The following MAP3K20 variants were observed in gnomAD, a reference collection of about 807,000 sequenced individuals.
MAP3K20 encodes mitogen-activated protein kinase kinase kinase 20, also known as HCCS-4.
A neutral mutation model predicts 85.7 loss-of-function variants in MAP3K20; 40 were observed. The observed-to-expected ratio is 0.47, with a 90% CI of 0.36 to 0.61. The LOEUF (loss-of-function observed/expected upper bound fraction) is 0.61, where lower values mean the gene tolerates loss of function less well. MAP3K20 is among the 20% of genes least tolerant of loss of function. The probability of loss-of-function intolerance (pLI) is 0.00; values close to 1 mark genes in which losing one functional copy is unlikely to be tolerated. For missense variants in MAP3K20, 817 were observed against 961.7 expected, an observed-to-expected ratio of 0.85 and a Z score of 1.99; for synonymous variants, 325 against 327.7, an observed-to-expected ratio of 0.99 and a Z score of 0.09.
At chr2:173,108,405 A>G (rs1216041385) in intron 2 of MAP3K20, among the ~76,000 whole-genome samples, 4 of 152,232 alleles carry the variant, frequency 2.6e-5, no homozygotes, top group African/African-American at 4.8e-5. Context: ...TGCTGGGATT[A>G]TAGGCGTGAG....
At chr2:173,123,480 G>A (rs1193024904) in intron 2 of MAP3K20, among the ~76,000 whole-genome samples, 2 of 152,150 alleles carry the variant, frequency 1.3e-5, no homozygotes, top group Admixed American at 6.5e-5. Flanking sequence ...GAGAGATCTT[G>A]AGGAGAATGA....
At chr2:173,207,472 A>G (rs1683726445) in intron 9 of MAP3K20, 1 of 152,252 alleles carries the variant, frequency 6.6e-6, no homozygotes. Flanking sequence ...TGCCTGGGCA[A>G]TGGAGCAAGA....
intron 9 of MAP3K20, among the ~76,000 whole-genome samples, chr2:173,205,008 C>G (rs1683627791): frequency 6.7e-6 from 1 of 149,146 alleles, no homozygotes; most frequent in African/African-American, 2.5e-5. Context: ...GAGGCTGAGG[C>G]AGGAGAATGG....
rs149744937 is a variant in MAP3K20, at chr2:173,213,966, A to G, written c.852-3149A>G. 1.2e-3 allele frequency among the ~76,000 whole-genome samples: 188 copies of G among 152,270 alleles called. 1 individual carries two copies. The highest frequency in any genetic ancestry group is 0.01 in the South Asian group (50 of 4,822). ...ACTTTTATCTAGTGTCTGAAACCAC[A>G]TGACTAGTGTCCAAAGAGTGTTTTA... is the stretch of plus-strand genomic sequence containing the variant. On this transcript the variant is annotated intron_variant, in intron 10 of 19. Coordinates refer to ENST00000375213, the MANE Select transcript of MAP3K20 (RefSeq NM_016653.3).
chr2:173,138,853 C>T (rs1688879920), intron 2 of MAP3K20, among the ~76,000 whole-genome samples: 1 of 152,188 alleles, frequency 6.6e-6, no homozygotes, highest in Admixed American at 6.5e-5. Flanking sequence ...TCATCTGGTA[C>T]TTCTATCAGC....
intron 2 of MAP3K20, among the ~76,000 whole-genome samples, chr2:173,097,596 G>A (rs776736827): frequency 6.6e-6 from 1 of 151,976 alleles, no homozygotes; most frequent in Non-Finnish European, 1.5e-5. Context: ...CATCTGTCTT[G>A]GCTTTTGTAA....
At chr2:173,084,544 G>T (rs755519900) in intron 1 of MAP3K20, among the ~76,000 whole-genome samples, 1 of 152,056 alleles carries the variant, frequency 6.6e-6, no homozygotes, top group Non-Finnish European at 1.5e-5. Flanking sequence ...ACCAAAAACG[G>T]CAGTTAAACA....
chr2:173,089,183 T>TAA (rs71018532), intron 1 of MAP3K20, among the ~76,000 whole-genome samples: 2,375 of 147,830 alleles, frequency 0.016, 58 homozygotes, highest in African/African-American at 0.055. Context: ...CCTTTTTATT[T>TAA]AAAAAAAAAA....
Position 173,217,329 on chromosome 2 carries a change from T to C in MAP3K20, c.987+79T>C, listed in dbSNP as rs372436812. 9 of 1,337,210 alleles carry C rather than the reference T, an allele frequency of 6.7e-6. No individual in the cohort carries two copies. In the African/African-American group the frequency reaches 1.3e-4, roughly 20 times the overall value. The allele number at this position is 1,337,210 out of a possible 1,614,324, so 82.8% of individuals were successfully genotyped here. ...CTGAGCATGGCAGCATGGCACCTCT[T>C]CCCCTGCCTCCCGCCGCCCCCTCCT... On this transcript the variant is annotated intron_variant, in intron 11 of 19. Coordinates refer to ENST00000375213, the MANE Select transcript of MAP3K20 (RefSeq NM_016653.3).
intron 2 of MAP3K20, among the ~76,000 whole-genome samples, chr2:173,128,314 T>TG (rs201068389): frequency 0.27 from 36,609 of 137,136 alleles, 5,615 homozygotes; most frequent in Non-Finnish European, 0.35. Flanking sequence ...ATAGTTGACT[T>TG]ATTTATTTAT....
Position 173,203,818 on chromosome 2 carries a change from G to T in MAP3K20, c.692G>T (p.Cys231Phe). 1 of 1,613,746 alleles carries T rather than the reference G, an allele frequency of 6.2e-7. No individual in the cohort carries two copies. The highest frequency in any genetic ancestry group is 8.5e-7 in the Non-Finnish European group (1 of 1,179,824). The change falls in exon 9 of 20, where the codon TGC (cysteine) becomes TTC (phenylalanine). Residue 231 changes from cysteine (C) to phenylalanine (F), a missense_variant. This residue lies in a region of MAP3K20 where 200 missense variants were observed against 302.7 expected (regional missense o/e 0.66). Coordinates refer to ENST00000375213, the MANE Select transcript of MAP3K20 (RefSeq NM_016653.3). ...TAGAGATTAACCATTCCAAGCAGTT[G>T]CCCCAGAAGTTTTGCTGAACTGTTA... ...KNERLTIPSSCPRSFAELLHQ... is the reference protein window; with the variant it reads ...KNERLTIPSSFPRSFAELLHQ...
chr2:173,251,521 A>G (rs954832980), intron 16 of MAP3K20, among the ~76,000 whole-genome samples: 1 of 152,230 alleles, frequency 6.6e-6, no homozygotes, highest in African/African-American at 2.4e-5. Context: ...GGATTAATTA[A>G]CATAGATAAA....
chr2:173,221,747 A>T, intron 11 of MAP3K20: 1 of 1,251,146 alleles, frequency 8.0e-7, no homozygotes, highest in East Asian at 3.1e-5. Flanking sequence ...ATATTTATGA[A>T]TCAGCAAATG....
intron 11 of MAP3K20, chr2:173,221,554 T>TGTTTG: frequency 6.8e-7 from 1 of 1,480,392 alleles, no homozygotes; most frequent in Non-Finnish European, 9.0e-7. Flanking sequence ...AGTAATAAAA[T>TGTTTG]CACAAATGTT....
At chr2:173,230,607 A>C (rs753634719) in intron 12 of MAP3K20, among the ~76,000 whole-genome samples, 1 of 152,364 alleles carries the variant, frequency 6.6e-6, no homozygotes. Flanking sequence ...TGCACTCTGC[A>C]TTCTTGATAG....
chr2:173,161,164 G>T (rs547191800), intron 2 of MAP3K20, among the ~76,000 whole-genome samples: 3 of 152,206 alleles, frequency 2.0e-5, no homozygotes, highest in Admixed American at 1.3e-4. Context: ...AGCAGCAAAG[G>T]ATTCTCAAGA....
intron 2 of MAP3K20, among the ~76,000 whole-genome samples, chr2:173,102,537 C>G (rs997710144): frequency 1.3e-5 from 2 of 152,122 alleles, no homozygotes; most frequent in African/African-American, 4.8e-5. Context: ...TGAAATGAGA[C>G]TGCCAGAATT....
chr2:173,226,469 T>G, intron 11 of MAP3K20: 1 of 985,708 alleles, frequency 1.0e-6, no homozygotes, highest in Non-Finnish European at 1.2e-6. Context: ...GTTTTCCTGT[T>G]TAAGTGTTAA....
At chr2:173,131,174 C>T (rs2106200553) in intron 2 of MAP3K20, among the ~76,000 whole-genome samples, 1 of 152,324 alleles carries the variant, frequency 6.6e-6, no homozygotes, top group Non-Finnish European at 1.5e-5. Context: ...TGTTTTTCTG[C>T]TGTGGCTTTT....
Sources: allele counts gnomAD v4.1 joint callset (sites outside exome capture counted in the v4.1 genomes callset), GRCh38; gene constraint gnomAD v4.1.1; regional missense constraint gnomAD v4.1.1; transcripts MANE v1.5; gene names NCBI Gene and HGNC (gene_info 2026-07-23, HGNC 2026-07-21).